The following GPD2 variants were observed in gnomAD, a reference collection of about 807,000 sequenced individuals.
GPD2 encodes glycerol-3-phosphate dehydrogenase, mitochondrial.
Under a neutral mutation model 82.4 loss-of-function variants are expected in GPD2, and 54 were observed. The ratio of observed to expected loss-of-function variants is 0.66; its 90% CI spans 0.53 to 0.82. The LOEUF is 0.82. GPD2 is among the 40% of genes least tolerant of loss of function. The pLI is 0.00. For missense variants in GPD2, 748 were observed against 896.2 expected, an observed-to-expected ratio of 0.83 and a Z score of 2.11; for synonymous variants, 288 against 306.1, an observed-to-expected ratio of 0.94 and a Z score of 0.62.
chr2:156,537,203 C>T (rs1311943076), intron 6 of GPD2, among the ~76,000 whole-genome samples: 1 of 152,150 alleles, frequency 6.6e-6, no homozygotes. Flanking sequence ...GGATGGGGCT[C>T]CCTGTATAAT....
chr2:156,450,682 T>TTTTATTGATC (rs3055086), intron 1 of GPD2, among the ~76,000 whole-genome samples: 2 of 112,448 alleles, frequency 1.8e-5, no homozygotes, highest in Non-Finnish European at 3.6e-5. Flanking sequence ...TTTTTTTTTT[T>TTTTATTGATC]ATTGCTCATT....
chr2:156,471,927 G>A (rs1012612430), intron 1 of GPD2, among the ~76,000 whole-genome samples: 4 of 152,162 alleles, frequency 2.6e-5, no homozygotes, highest in African/African-American at 9.7e-5. Flanking sequence ...CAACTGAGCT[G>A]GTGTTCTCCT....
At chr2:156,467,511 A>AT (rs780998972) in intron 1 of GPD2, among the ~76,000 whole-genome samples, 31 of 152,128 alleles carry the variant, frequency 2.0e-4, no homozygotes, top group African/African-American at 6.5e-4. Context: ...TTCAGTGTAT[A>AT]TATTCTTTAC....
chr2:156,510,456 C>T (rs1212414220), intron 3 of GPD2, among the ~76,000 whole-genome samples: 6 of 152,210 alleles, frequency 3.9e-5, no homozygotes, highest in Non-Finnish European at 7.3e-5. Flanking sequence ...TTTGCAACAA[C>T]ATTCAGTTAA....
At chr2:156,507,016 C>CT (rs571078082) in intron 3 of GPD2, among the ~76,000 whole-genome samples, 144 of 147,010 alleles carry the variant, frequency 9.8e-4, no homozygotes, top group Middle Eastern at 3.6e-3. Context: ...CATGCTACAT[C>CT]TTTTTTTTTT....
intron 9 of GPD2, among the ~76,000 whole-genome samples, chr2:156,565,602 A>G (rs1038323440): frequency 1.3e-5 from 2 of 152,096 alleles, no homozygotes; most frequent in African/African-American, 4.8e-5. Context: ...TTTCAGTTAC[A>G]GTGTTTGGAT....
chr2:156,557,743 G>A lies in GPD2; in HGVS notation c.1165+161G>A, dbSNP rs545157466. On this transcript the variant is annotated intron_variant, in intron 9 of 16. Coordinates refer to ENST00000438166, the MANE Select transcript of GPD2 (RefSeq NM_000408.5). ...TGAGGGCCAAATTTTAACATAATGG[G>A]GAGAAATTGCCTTTTCTCCTCTACT... Among the ~76,000 whole-genome samples, 3 of 152,174 alleles carry A rather than the reference G, an allele frequency of 2.0e-5. No homozygotes were observed. In the East Asian group the frequency reaches 5.8e-4, roughly 29 times the overall value.
chr2:156,469,819 G>A (rs1239559858), intron 1 of GPD2, among the ~76,000 whole-genome samples: 1 of 152,174 alleles, frequency 6.6e-6, no homozygotes, highest in Non-Finnish European at 1.5e-5. Context: ...GGAGAGCATG[G>A]GGATTAGAAA....
At chr2:156,518,822 C>T (rs752441984) in intron 6 of GPD2, among the ~76,000 whole-genome samples, 3 of 152,120 alleles carry the variant, frequency 2.0e-5, no homozygotes, top group Admixed American at 6.5e-5. Flanking sequence ...ATATTAATTT[C>T]TTCAAAATAA....
At chr2:156,518,685 GTTTGT>G (rs1263634685) in intron 6 of GPD2, among the ~76,000 whole-genome samples, 1 of 152,122 alleles carries the variant, frequency 6.6e-6, no homozygotes, top group African/African-American at 2.4e-5. Flanking sequence ...TCTTTTTGTT[GTTTGT>G]TTTTTCATTG....
At chr2:156,497,258 T>A (rs1684420449) in intron 3 of GPD2, among the ~76,000 whole-genome samples, 1 of 152,110 alleles carries the variant, frequency 6.6e-6, no homozygotes, top group Non-Finnish European at 1.5e-5. Context: ...GTTGTGAGAG[T>A]TACATGTTAA....
the GPD2 span, among the ~76,000 whole-genome samples, chr2:156,413,279 G>GA: frequency 6.6e-6 from 1 of 151,982 alleles, no homozygotes; most frequent in Non-Finnish European, 1.5e-5. Flanking sequence ...CTTGGTGGGG[G>GA]TGATACTGAA....
chr2:156,489,684 CCTT>C (rs1414351719), intron 2 of GPD2, among the ~76,000 whole-genome samples: 5 of 139,430 alleles, frequency 3.6e-5, no homozygotes, highest in Non-Finnish European at 6.2e-5. Flanking sequence ...TTTTTTCCTT[CCTT>C]CTTCCTTCCT....
intron 6 of GPD2, among the ~76,000 whole-genome samples, chr2:156,544,048 C>T (rs1449687075): frequency 6.6e-6 from 1 of 152,032 alleles, no homozygotes; most frequent in South Asian, 2.1e-4. Context: ...TAACCACAAA[C>T]GTGAATGGCA....
At chr2:156,446,524 A>C (rs912952461) in intron 1 of GPD2, among the ~76,000 whole-genome samples, 8 of 152,092 alleles carry the variant, frequency 5.3e-5, no homozygotes, top group Non-Finnish European at 1.0e-4. Flanking sequence ...TCCAGGAAGA[A>C]GAGAATATGC....
chr2:156,424,805 A>G, the GPD2 span, among the ~76,000 whole-genome samples: 1 of 152,234 alleles, frequency 6.6e-6, no homozygotes, highest in East Asian at 1.9e-4. Flanking sequence ...TAATTCCCCC[A>G]TGACAACAAT....
At chr2:156,569,562 C>T in intron 11 of GPD2, 24 bp downstream of exon 11, 1 of 1,573,040 alleles carries the variant, frequency 6.4e-7, no homozygotes, top group Non-Finnish European at 8.8e-7. Flanking sequence ...GCCACATCAT[C>T]TTACTCTTTA....
At chr2:156,481,424 T>G (rs958743140) in intron 2 of GPD2, among the ~76,000 whole-genome samples, 7 of 152,160 alleles carry the variant, frequency 4.6e-5, no homozygotes, top group African/African-American at 1.7e-4. Context: ...GCTGTAACTT[T>G]GTGTGTATTA....
chr2:156,552,588 T>G (rs1168827285), intron 8 of GPD2, among the ~76,000 whole-genome samples: 1 of 152,214 alleles, frequency 6.6e-6, no homozygotes, highest in East Asian at 1.9e-4. Flanking sequence ...ATGTGTTGTG[T>G]GCCTTATGTT....
Sources: allele counts gnomAD v4.1 joint callset (sites outside exome capture counted in the v4.1 genomes callset), GRCh38; gene constraint gnomAD v4.1.1; transcripts MANE v1.5; gene names NCBI Gene and HGNC (gene_info 2026-07-23, HGNC 2026-07-21).